Variants in RBFOX1 observed in about 807,000 individuals in gnomAD.
RBFOX1 encodes the protein RNA binding fox-1 homolog 1, also known as RNA binding protein fox-1 homolog 1.
A neutral mutation model predicts 57.7 loss-of-function variants in RBFOX1; 8 were observed. The ratio of observed to expected loss-of-function variants is 0.14; its 90% CI spans 0.08 to 0.25. The LOEUF is 0.25. RBFOX1 is among the 10% of genes least tolerant of loss of function. The pLI, the probability that RBFOX1 is intolerant of heterozygous loss-of-function variation, is 1.00. For synonymous variants in RBFOX1, 326 were observed against 222.4 expected (o/e 1.47, Z -4.15); for missense variants, 611 against 548.5 (o/e 1.11, Z -1.14).
chr16:6,726,344 C>G (rs895736012), intron 3 of RBFOX1, among the ~76,000 whole-genome samples: 2 of 151,096 alleles, frequency 1.3e-5, no homozygotes, highest in Admixed American at 6.6e-5. Context: ...GAGGCAAAAG[C>G]AAATTTTTGC....
chr16:6,110,599 A>T (rs1186334485), intron 1 of RBFOX1, among the ~76,000 whole-genome samples: 1 of 152,214 alleles, frequency 6.6e-6, no homozygotes, highest in Non-Finnish European at 1.5e-5. Context: ...ATGTGAAATC[A>T]ATCTGCCCTA....
At chr16:6,511,955 C>G (rs964108103) in intron 2 of RBFOX1, among the ~76,000 whole-genome samples, 4 of 151,944 alleles carry the variant, frequency 2.6e-5, no homozygotes, top group African/African-American at 4.8e-5. Flanking sequence ...CCAGGTCTTT[C>G]CCTGAGACTT....
intron 2 of RBFOX1, among the ~76,000 whole-genome samples, chr16:5,553,699 GTATATATATGTGTGTATA>G: frequency 1.6e-5 from 1 of 61,100 alleles, no homozygotes; most frequent in Non-Finnish European, 3.8e-5. Context: ...ACATATATAT[GTATATATATGTGTGTATA>G]TACACATATA....
intron 12 of RBFOX1, among the ~76,000 whole-genome samples, chr16:7,660,372 G>A (rs1235855063): frequency 3.9e-5 from 6 of 152,302 alleles, no homozygotes; most frequent in East Asian, 1.9e-4. Context: ...TGTTTAGTGC[G>A]CAATGGTAAC....
At chr16:5,948,038 A>G (rs945530158) in intron 4 of RBFOX1, among the ~76,000 whole-genome samples, 2 of 152,168 alleles carry the variant, frequency 1.3e-5, no homozygotes, top group Admixed American at 6.5e-5. Context: ...AGCAGAACCA[A>G]CGCTGCTCAG....
At chr16:7,618,237 T>C (rs1035685919) in intron 10 of RBFOX1, among the ~76,000 whole-genome samples, 1 of 152,166 alleles carries the variant, frequency 6.6e-6, no homozygotes, top group Non-Finnish European at 1.5e-5. Context: ...AAAATAACAA[T>C]TATAATTAAA....
intron 2 of RBFOX1, among the ~76,000 whole-genome samples, chr16:6,512,632 T>G (rs1021661562): frequency 1.3e-5 from 2 of 152,116 alleles, no homozygotes; most frequent in Non-Finnish European, 2.9e-5. Context: ...TTTCCAGAGT[T>G]CTCCCAAGAA....
chr16:6,367,306 C>A (rs974048634), intron 2 of RBFOX1, among the ~76,000 whole-genome samples: 2 of 151,832 alleles, frequency 1.3e-5, no homozygotes, highest in African/African-American at 4.8e-5. Context: ...AGTCTCACAC[C>A]GTTGCCTGGG....
chr16:7,601,387 C>A (rs186113427), intron 9 of RBFOX1, among the ~76,000 whole-genome samples: 1 of 152,132 alleles, frequency 6.6e-6, no homozygotes, highest in Non-Finnish European at 1.5e-5. Flanking sequence ...CTATTTATAG[C>A]GCAGTAGTAT....
intron 4 of RBFOX1, among the ~76,000 whole-genome samples, chr16:7,388,898 C>G (rs1008006443): frequency 6.6e-5 from 10 of 152,020 alleles, no homozygotes; most frequent in African/African-American, 2.4e-4. Flanking sequence ...ATTTTCAACT[C>G]ACGATGAGTT....
intron 4 of RBFOX1, among the ~76,000 whole-genome samples, chr16:7,262,832 C>G (rs2094971239): frequency 1.3e-5 from 2 of 152,228 alleles, no homozygotes. Context: ...ATGTGGCTGA[C>G]TCAGATGTGG....
chr16:6,999,745 A>T (rs2092622301), intron 3 of RBFOX1, among the ~76,000 whole-genome samples: 1 of 152,186 alleles, frequency 6.6e-6, no homozygotes, highest in South Asian at 2.1e-4. Context: ...TTAAAAAAAG[A>T]ACTGTATTGT....
chr16:7,133,401 A>T (rs1256012335), intron 4 of RBFOX1, among the ~76,000 whole-genome samples: 1 of 152,200 alleles, frequency 6.6e-6, no homozygotes, highest in East Asian at 1.9e-4. Flanking sequence ...GATCATTGCA[A>T]TGGTCATGTT....
chr16:5,978,158 AAAAGC>A (rs2060103790), intron 4 of RBFOX1, among the ~76,000 whole-genome samples: 1 of 143,290 alleles, frequency 7.0e-6, no homozygotes, highest in African/African-American at 2.6e-5. Context: ...AAAAAAAAAA[AAAAGC>A]AAGAGCCAGG....
At chr16:6,083,715 G>A (rs1015641504) in intron 1 of RBFOX1, among the ~76,000 whole-genome samples, 8 of 151,960 alleles carry the variant, frequency 5.3e-5, no homozygotes, top group Non-Finnish European at 8.8e-5. Context: ...AGGCTCATGC[G>A]ATCCTCCTAC....
rs574270996 is a variant in RBFOX1 at position 6,203,749 on chromosome 16, A to C, written c.-126-113246A>C. On this transcript the variant is annotated intron_variant, in intron 1 of 15. Transcript: ENST00000550418. Reference sequence around the variant, plus strand: ...GTGAACCCTTGTCTCTTGTGTGTTCATAGAAACATAAATTGGTGCAGCCAC... The same window carrying C: ...GTGAACCCTTGTCTCTTGTGTGTTCCTAGAAACATAAATTGGTGCAGCCAC... Among the ~76,000 whole-genome samples, 5 of 152,332 alleles carry C rather than the reference A, an allele frequency of 3.3e-5. No homozygotes were observed. In the South Asian group the frequency reaches 1.0e-3, roughly 32 times the overall value.
chr16:6,226,150 A>G (rs2097415719), intron 1 of RBFOX1, among the ~76,000 whole-genome samples: 1 of 150,486 alleles, frequency 6.6e-6, no homozygotes, highest in South Asian at 2.1e-4. Flanking sequence ...ACCTGAGGTC[A>G]GGAATTCGAG....
chr16:7,033,366 A>C (rs1052048758), intron 3 of RBFOX1, among the ~76,000 whole-genome samples: 22 of 152,184 alleles, frequency 1.4e-4, no homozygotes, highest in African/African-American at 4.8e-4. Context: ...CTAAAAATAC[A>C]AAAATTAGCC....
chr16:6,994,533 A>C (rs2091975961), intron 3 of RBFOX1, among the ~76,000 whole-genome samples: 1 of 152,170 alleles, frequency 6.6e-6, no homozygotes, highest in African/African-American at 2.4e-5. Context: ...TGCATTTTTT[A>C]ATAGAAGCAA....
Sources: gnomAD v4.1 joint callset for allele counts (sites outside exome capture counted in the v4.1 genomes callset) on GRCh38, gnomAD v4.1.1 for gene constraint, MANE v1.5 for transcripts, NCBI Gene and HGNC (gene_info 2026-07-23, HGNC 2026-07-21) for gene names.